Variants in TGM2 observed in about 807,000 individuals in gnomAD.
The protein encoded by TGM2 is protein-glutamine gamma-glutamyltransferase 2.
TGM2 carries 53 observed loss-of-function variants against 75.6 expected under a neutral mutation model. The observed-to-expected ratio is 0.70, with a 90% CI of 0.56 to 0.88. TGM2 has a LOEUF of 0.88. TGM2 is among the 40% of genes least tolerant of loss of function. The pLI is 0.00. For synonymous variants in TGM2, 374 were observed against 381.1 expected, an observed-to-expected ratio of 0.98 and a Z score of 0.22; for missense variants, 842 against 928.5, an observed-to-expected ratio of 0.91 and a Z score of 1.21.
intron 10 of TGM2, among the ~76,000 whole-genome samples, chr20:38,135,105 G>T (rs1339562441): frequency 2.0e-5 from 3 of 152,236 alleles, no homozygotes; most frequent in Non-Finnish European, 4.4e-5. Flanking sequence ...CAGCATGCTT[G>T]GCTGATGCCA....
At chr20:38,158,570 G>C (rs1396409366) in intron 2 of TGM2, among the ~76,000 whole-genome samples, 2 of 152,158 alleles carry the variant, frequency 1.3e-5, no homozygotes, top group Non-Finnish European at 2.9e-5. Context: ...CATTGTGACT[G>C]CCACACCCCC....
intron 6 of TGM2, among the ~76,000 whole-genome samples, chr20:38,143,152 G>C (rs1204953382): frequency 3.3e-5 from 5 of 152,314 alleles, no homozygotes; most frequent in African/African-American, 1.2e-4. Context: ...AGAGAGGAGA[G>C]GAAAGAGGGA....
In TGM2 at chr20:38,146,757, C is replaced by A; in HGVS notation, c.819G>T (p.Lys273Asn). The A allele has an allele frequency of 6.2e-7, 1 of 1,613,850 alleles. No individual in the cohort carries two copies. Among genetic ancestry groups the A allele is most frequent in the Non-Finnish European group, 8.5e-7 (1 of 1,179,920 alleles). The part of the protein sequence containing the change: ...RWKNHGCQRV[K>N]YGQCWVFAAV... ...CGGCGAAGACCCAGCACTGGCCATACTTGACGCGCTGGCAGCCGTGGTTCT... is the reference window on the plus strand; with the variant it reads ...CGGCGAAGACCCAGCACTGGCCATAATTGACGCGCTGGCAGCCGTGGTTCT... The change falls in exon 6 of 13, where the codon AAG (lysine) becomes AAT (asparagine). Residue 273 changes from lysine (K) to asparagine (N), a missense_variant. Coordinates refer to ENST00000361475, the MANE Select transcript of TGM2 (RefSeq NM_004613.4).
At chr20:38,165,155 C>T in intron 1 of TGM2, 34 bp downstream of exon 1, 1 of 1,613,972 alleles carries the variant, frequency 6.2e-7, no homozygotes, top group Non-Finnish European at 8.5e-7. Flanking sequence ...CCCCGGGGCC[C>T]CTGAGTGGCG....
chr20:38,165,821 C>T (rs1446459724), upstream of TGM2, among the ~76,000 whole-genome samples: 3 of 151,906 alleles, frequency 2.0e-5, no homozygotes, highest in Non-Finnish European at 2.9e-5. Flanking sequence ...ACACCAAACA[C>T]GGCTGGCCAC....
chr20:38,161,512 A>G lies in TGM2; in HGVS notation c.98T>C (p.Val33Ala). The stretch of plus-strand genomic sequence containing the variant: ...CAGCCAGAAGGGCTGGCCCCGTCGC[A>G]CCACCAGCTTCTCCCGGCACAGGTC... ...TADLCREKLV[V>A]RRGQPFWLTL... Residue 33 changes from valine to alanine, a missense_variant, in exon 2 of 13, where the codon GTG becomes GCG. By Grantham distance (64) the Val-to-Ala change is moderately conservative. Coordinates refer to ENST00000361475, the MANE Select transcript of TGM2 (RefSeq NM_004613.4). 1 of 1,614,104 alleles carries G rather than the reference A, an allele frequency of 6.2e-7. No individual in the cohort carries two copies. Among genetic ancestry groups the G allele is most frequent in the Non-Finnish European group, 8.5e-7 (1 of 1,180,018 alleles).
chr20:38,135,639 C>T (rs777493819), intron 10 of TGM2, among the ~76,000 whole-genome samples: 2 of 152,064 alleles, frequency 1.3e-5, no homozygotes, highest in Non-Finnish European at 1.5e-5. Flanking sequence ...GATCCTGTCT[C>T]GGACTCTCGG....
intron 8 of TGM2, 42 bp downstream of exon 8, chr20:38,141,240 G>T: frequency 6.7e-7 from 1 of 1,496,434 alleles, no homozygotes; most frequent in South Asian, 1.2e-5. Context: ...TCCAAGCCTC[G>T]TCTTCCCCAT....
intron 10 of TGM2, chr20:38,133,101 T>C: frequency 8.5e-6 from 3 of 352,656 alleles, no homozygotes; most frequent in South Asian, 6.4e-5. Context: ...ACACAGCTGA[T>C]ATGTACTGTG....
At chr20:38,138,028 A>T in intron 10 of TGM2, 85 bp downstream of exon 10, 1 of 1,499,032 alleles carries the variant, frequency 6.7e-7, no homozygotes, top group Non-Finnish European at 9.0e-7. Flanking sequence ...TGTGGGGTGA[A>T]ATCACACATG....
intron 6 of TGM2, among the ~76,000 whole-genome samples, chr20:38,144,571 T>C (rs1308177982): frequency 6.6e-6 from 1 of 152,212 alleles, no homozygotes; most frequent in Non-Finnish European, 1.5e-5. Flanking sequence ...AGCCAGAGAC[T>C]GTGCTAAGTG....
intron 2 of TGM2, among the ~76,000 whole-genome samples, chr20:38,159,402 T>C (rs1457539101): frequency 6.6e-6 from 1 of 151,822 alleles, no homozygotes; most frequent in Non-Finnish European, 1.5e-5. Context: ...AAAATAACGC[T>C]TGGGTACTAG....
At position 38,127,714 on chromosome 20, in the gene TGM2, T is replaced by C. The variant is rs2074781104; in HGVS notation, c.*2505A>G. ...AGGTCAAATACCTTACTAATTCTTA[T>C]ATTGATTACATGTTGAAATAATGTT... On this transcript the variant is annotated 3_prime_UTR_variant, in exon 13 of 13. Coordinates refer to ENST00000361475, the MANE Select transcript of TGM2 (RefSeq NM_004613.4). 1 of 152,356 alleles carries C rather than the reference T, an allele frequency of 6.6e-6. No homozygotes were observed. Among genetic ancestry groups the C allele is most frequent in the African/African-American group, 2.4e-5 (1 of 41,588 alleles). The allele number at this position is 152,356 out of a possible 1,614,324, so 9.4% of individuals were successfully genotyped here.
intron 8 of TGM2, among the ~76,000 whole-genome samples, chr20:38,140,041 A>T (rs1371075079): frequency 6.6e-6 from 1 of 152,284 alleles, no homozygotes; most frequent in East Asian, 1.9e-4. Flanking sequence ...TATCCCAGAC[A>T]TCCTGAGGAA....
intron 3 of TGM2, among the ~76,000 whole-genome samples, chr20:38,153,547 G>GAAAAGAAAAAAA (rs2075143673): frequency 1.1e-5 from 1 of 90,036 alleles, no homozygotes; most frequent in Admixed American, 1.4e-4. Context: ...AAAAAAAAAA[G>GAAAAGAAAAAAA]AATGAATGAG....
intron 7 of TGM2, among the ~76,000 whole-genome samples, chr20:38,141,640 C>T (rs45606833): frequency 0.029 from 4,334 of 152,026 alleles, 198 homozygotes; most frequent in African/African-American, 0.098. Flanking sequence ...TCTCAGTGGC[C>T]CCTTTGACCT....
intron 4 of TGM2, among the ~76,000 whole-genome samples, chr20:38,148,532 C>G (rs1387519580): frequency 6.6e-6 from 1 of 152,228 alleles, no homozygotes; most frequent in Non-Finnish European, 1.5e-5. Context: ...CAACCCAGCC[C>G]ACACACGCTG....
chr20:38,143,756 G>A (rs1173427657), intron 6 of TGM2, among the ~76,000 whole-genome samples: 1 of 152,224 alleles, frequency 6.6e-6, no homozygotes, highest in Non-Finnish European at 1.5e-5. Context: ...ACAAGATTAG[G>A]CGTAATAAGG....
intron 12 of TGM2, among the ~76,000 whole-genome samples, 157 bp downstream of exon 12, chr20:38,130,936 G>A (rs572285788): frequency 6.6e-6 from 1 of 152,180 alleles, no homozygotes; most frequent in Admixed American, 6.5e-5. Flanking sequence ...GTGACGGTGG[G>A]AACTCTAGCC....
Sources: allele counts gnomAD v4.1 joint callset (sites outside exome capture counted in the v4.1 genomes callset), GRCh38; gene constraint gnomAD v4.1.1; transcripts MANE v1.5; gene names NCBI Gene and HGNC (gene_info 2026-07-23, HGNC 2026-07-21).